The following FLRT1 variants were observed in gnomAD, a reference collection of about 807,000 sequenced individuals.
The protein encoded by FLRT1 is fibronectin leucine rich transmembrane protein 1.
Under a neutral mutation model 30.9 loss-of-function variants are expected in FLRT1, and 14 were observed. The ratio of observed to expected loss-of-function variants is 0.45; its 90% CI spans 0.30 to 0.71. FLRT1 has a LOEUF of 0.71. Among genes scored for constraint, FLRT1 ranks in the 30% least tolerant of loss-of-function variants. The probability of loss-of-function intolerance (pLI) is 0.08; values close to 1 mark genes in which losing one functional copy is unlikely to be tolerated. For synonymous variants in FLRT1, 368 were observed against 430.4 expected (o/e 0.85, Z 1.80); for missense variants, 737 against 949.2 (o/e 0.78, Z 2.94).
In FLRT1 at chr11:64,096,573, G is replaced by A. The variant is rs1269551711; in HGVS notation, c.-1037-6621G>A. Among the ~76,000 whole-genome samples the A allele has an allele frequency of 4.6e-5, 7 of 151,804 alleles. No homozygotes were observed. The highest frequency in any genetic ancestry group is 3.4e-3 in the Middle Eastern group (1 of 294). ...TGGGATTACAGGCGCCTGCCATCAC[G>A]CCCAGCTAATTTTTTTATTTTTAGT... On this transcript the variant is annotated intron_variant, in intron 1 of 2. Transcript: ENST00000682287. The surrounding 1 kb of genome is among the most constrained non-coding windows in gnomAD (Gnocchi z 4.6).
At chr11:64,110,050 G>A (rs1194324735) in intron 2 of FLRT1, among the ~76,000 whole-genome samples, 1 of 152,124 alleles carries the variant, frequency 6.6e-6, no homozygotes, top group Non-Finnish European at 1.5e-5. Context: ...CACATATAAT[G>A]TCAGTGAATC....
rs529380806 is a variant in FLRT1, at chr11:64,065,526, A to C, written c.-1038+29367A>C. 3.3e-5 allele frequency among the ~76,000 whole-genome samples: 5 copies of C among 152,294 alleles called. No homozygotes were observed. The South Asian group carries it at 8.3e-4, about 25-fold the overall frequency. ...AACAAGGGGCCAGGCGCGGTGGCTC[A>C]TGCCTGTAATCCCAGCACTTTGGGA... On this transcript the variant is annotated intron_variant, in intron 1 of 2. Coordinates refer to ENST00000682287, the MANE Select transcript of FLRT1 (RefSeq NM_013280.5).
chr11:64,099,115 C>T (rs1944627817), intron 1 of FLRT1, among the ~76,000 whole-genome samples: 1 of 152,220 alleles, frequency 6.6e-6, no homozygotes, highest in Non-Finnish European at 1.5e-5. Context: ...CACAGCCAGA[C>T]CTGCCTCCCT....
At chr11:64,101,926 C>T (rs969117833) in intron 1 of FLRT1, among the ~76,000 whole-genome samples, 2 of 152,252 alleles carry the variant, frequency 1.3e-5, no homozygotes, top group Non-Finnish European at 2.9e-5. Flanking sequence ...TGCACACCAC[C>T]TGGCTGGCAC....
chr11:64,047,513 C>T (rs977548009), intron 1 of FLRT1, among the ~76,000 whole-genome samples: 2 of 152,152 alleles, frequency 1.3e-5, no homozygotes, highest in Non-Finnish European at 2.9e-5. Context: ...CCTCACCTGC[C>T]TGGCATTCAC....
In FLRT1 at chr11:64,117,051, G is replaced by A. The variant is rs929198147; in HGVS notation, c.784G>A (p.Ala262Thr). 1.2e-5 allele frequency: 19 copies of A among 1,605,162 alleles called. No individual in the cohort carries two copies. The highest frequency in any genetic ancestry group is 1.6e-4 in the Middle Eastern group (1 of 6,078). ...ELSLVRNSLA[A>T]PPLNLPSAHL... ...CTCGCTGGTGCGCAATTCGCTGGCC[G>A]CGCCACCCCTCAACCTGCCCAGCGC... The change falls in exon 3 of 3, where the codon GCG (alanine) becomes ACG (threonine). Residue 262 changes from alanine (A) to threonine (T), a missense_variant. By Grantham distance (58) the Ala-to-Thr change is moderately conservative. Transcript: ENST00000682287.
intron 1 of FLRT1, chr11:64,081,939 G>GC (rs1443426453): frequency 1.3e-5 from 2 of 152,180 alleles, no homozygotes; most frequent in Non-Finnish European, 2.9e-5. Context: ...CTCGAGTGCC[G>GC]CGTTCTACCT....
chr11:64,046,290 A>G (rs940880244), intron 1 of FLRT1, among the ~76,000 whole-genome samples: 2 of 152,192 alleles, frequency 1.3e-5, no homozygotes, highest in African/African-American at 4.8e-5. Flanking sequence ...AGAACCTTCT[A>G]GTAGCAAACT....
intron 1 of FLRT1, among the ~76,000 whole-genome samples, chr11:64,093,846 C>G (rs910897509): frequency 6.6e-6 from 1 of 152,192 alleles, no homozygotes; most frequent in Non-Finnish European, 1.5e-5. Context: ...CTTCAATATA[C>G]CATTGATTCC....
At chr11:64,111,799 T>A (rs1380786873) in intron 2 of FLRT1, among the ~76,000 whole-genome samples, 1 of 152,082 alleles carries the variant, frequency 6.6e-6, no homozygotes. Context: ...TCCTTCCCAG[T>A]CCCCAATGTA....
intron 1 of FLRT1, among the ~76,000 whole-genome samples, chr11:64,044,248 CAACTT>C (rs1403882429): frequency 7.3e-5 from 11 of 150,664 alleles, no homozygotes; most frequent in Non-Finnish European, 1.3e-4. Context: ...GTTCCCCCAA[CAACTT>C]TTTTTTTTTT....
chr11:64,094,018 C>T (rs1016971731), intron 1 of FLRT1, among the ~76,000 whole-genome samples: 11 of 152,220 alleles, frequency 7.2e-5, no homozygotes, highest in African/African-American at 2.7e-4. Flanking sequence ...AGGCCAGGGC[C>T]GGGCGCAGTG....
At chr11:64,095,852 C>T (rs542624652) in intron 1 of FLRT1, among the ~76,000 whole-genome samples, 44 of 152,182 alleles carry the variant, frequency 2.9e-4, no homozygotes, top group African/African-American at 8.9e-4. Context: ...TGGAGGAGCG[C>T]GAGGCTGAGG....
chr11:64,051,317 T>C (rs1334008896), intron 1 of FLRT1, among the ~76,000 whole-genome samples: 1 of 152,228 alleles, frequency 6.6e-6, no homozygotes, highest in African/African-American at 2.4e-5. Flanking sequence ...GACACCTGCC[T>C]TGACGGCCCT....
intron 1 of FLRT1, among the ~76,000 whole-genome samples, chr11:64,040,148 C>G (rs1590825381): frequency 6.6e-6 from 1 of 152,242 alleles, no homozygotes; most frequent in African/African-American, 2.4e-5. Context: ...GCCCTCAGGG[C>G]GCTTCCAGTC....
Position 64,116,502 on chromosome 11 carries a change from A to G in FLRT1, c.235A>G (p.Ile79Val), listed in dbSNP as rs914564285. The G allele has an allele frequency of 6.2e-7, 1 of 1,613,964 alleles. No homozygotes were observed. ...GGGACTCACATCCATCCCCGCAGAT[A>G]TCCCTGATGATGCCACCACCCTCTA... is the stretch of plus-strand genomic sequence containing the variant. ...DRGLTSIPAD[I>V]PDDATTLYLQ... is the part of the protein sequence containing the mutation. Residue 79 changes from isoleucine (I) to valine (V), a missense_variant, in exon 3 of 3, where the codon ATC becomes GTC. By Grantham distance (29) the Ile-to-Val change is conservative. Coordinates refer to ENST00000682287, the MANE Select transcript of FLRT1 (RefSeq NM_013280.5).
intron 1 of FLRT1, among the ~76,000 whole-genome samples, chr11:64,038,409 C>G (rs1943423995): frequency 6.6e-6 from 1 of 152,208 alleles, no homozygotes; most frequent in Non-Finnish European, 1.5e-5. Context: ...CACACATGAG[C>G]AGGTGGCATC....
At chr11:64,048,398 C>T (rs114756488) in intron 1 of FLRT1, among the ~76,000 whole-genome samples, 156 of 152,304 alleles carry the variant, frequency 1.0e-3, no homozygotes, top group African/African-American at 3.5e-3. Context: ...GGGGGCCTCC[C>T]GGGGAGGGTC....
intron 1 of FLRT1, among the ~76,000 whole-genome samples, chr11:64,063,629 G>A (rs1943944093): frequency 6.6e-6 from 1 of 152,158 alleles, no homozygotes; most frequent in South Asian, 2.1e-4. Context: ...ACCACCTCTG[G>A]AGGAGTGGGG....
Sources: gnomAD v4.1 joint callset for allele counts (sites outside exome capture counted in the v4.1 genomes callset) on GRCh38, gnomAD v4.1.1 for gene constraint, Gnocchi (gnomAD v3.1) non-coding constraint, MANE v1.5 for transcripts, NCBI Gene and HGNC (gene_info 2026-07-23, HGNC 2026-07-21) for gene names.